The following PLXNA1 variants were observed in gnomAD, a reference collection of about 807,000 sequenced individuals.
The protein encoded by PLXNA1 is plexin A1.
A neutral mutation model predicts 191.7 loss-of-function variants in PLXNA1; 77 were observed. That is an observed-to-expected ratio of 0.40 (90% CI 0.33 to 0.49). The LOEUF is 0.49. PLXNA1 is among the 20% of genes least tolerant of loss of function. The pLI is 0.63. For missense variants in PLXNA1, 2,110 were observed against 2,660.2 expected (o/e 0.79, Z 4.55); for synonymous variants, 1,137 against 1,156.4 (o/e 0.98, Z 0.34).
chr3:127,013,981 C>T (rs775550697), intron 10 of PLXNA1, 39 bp from the exon 11 acceptor site: 25 of 1,589,024 alleles, frequency 1.6e-5, no homozygotes, highest in East Asian at 1.3e-4. Flanking sequence ...GCCTGGAGGC[C>T]GCTTAGCTGG....
rs2079126903 is a variant in PLXNA1, at chr3:127,016,963, G to T, written c.3202G>T (p.Val1068Phe). 1.2e-6 allele frequency: 2 copies of T among 1,613,260 alleles called. No homozygotes were observed. The highest frequency in any genetic ancestry group is 1.7e-6 in the Non-Finnish European group (2 of 1,179,898). ...TTCCAGCGGTGGGACCCTCCTGACG[G>T]TCACAGGCACCAACCTGGCCACTGT... ...SINSGGTLLT[V>F]TGTNLATVRE... Residue 1068 changes from valine to phenylalanine, a missense_variant, in exon 17 of 32, where the codon GTC (valine) becomes TTC (phenylalanine). By Grantham distance (50) the Val-to-Phe change is conservative. Around this residue, in one of 4 missense-constraint regions of PLXNA1, gnomAD observed 644 missense variants for 714.3 expected, o/e 0.90. Transcript: ENST00000393409.
chr3:127,027,952 G>C lies in PLXNA1; in HGVS notation c.4375G>C (p.Glu1459Gln). 6.2e-7 allele frequency: 1 copy of C among 1,613,598 alleles called. No individual in the cohort carries two copies. Among genetic ancestry groups the C allele is most frequent in the Non-Finnish European group, 8.5e-7 (1 of 1,179,970 alleles). Residue 1459 changes from glutamate (E) to glutamine (Q), a missense_variant, in exon 24 of 32, where the codon GAG (glutamate) becomes CAG (glutamine). By Grantham distance (29) the Glu-to-Gln change is conservative (BLOSUM62 2). Around this residue, in one of 4 missense-constraint regions of PLXNA1, gnomAD observed 559 missense variants for 911.5 expected, o/e 0.61. Coordinates refer to ENST00000393409, the MANE Select transcript of PLXNA1 (RefSeq NM_032242.4). ...GCCACCCCCGCAGGAGTGCGCTGGG[G>C]AGCCGCTGTTCATGCTGTACTGCGC... is the stretch of plus-strand genomic sequence containing the variant. ...LYKFLKECAGEPLFMLYCAIK... is the reference protein window; with the variant it reads ...LYKFLKECAGQPLFMLYCAIK...
rs560859244 is a variant in PLXNA1, at chr3:126,995,870, G to A, written c.1377+4304G>A. ...TGGGTGCATCTGGGCATACCCCAGG[G>A]AGGCTTGGGGCTTGAAGTTCCTTCT... On this transcript the variant is annotated intron_variant, in intron 3 of 31. Transcript: ENST00000393409. 4.6e-5 allele frequency among the ~76,000 whole-genome samples: 7 copies of A among 152,306 alleles called. No homozygotes were observed. In the South Asian group the frequency reaches 1.4e-3, roughly 32 times the overall value.
chr3:127,014,025 C>G lies in PLXNA1; in HGVS notation c.2319C>G (p.Ser773=). 6.2e-7 allele frequency: 1 copy of G among 1,613,704 alleles called. No homozygotes were observed. Residue 773 remains serine, a synonymous_variant, in exon 11 of 32, where the codon TCC becomes TCG. Transcript: ENST00000393409. The stretch of plus-strand genomic sequence containing the variant: ...ACGGTGCCATCACCTAACAGTACTC[C>G]TACGAGGGGAACGATGTCAGCGACC... The part of the protein sequence containing the change: ...SSLQCQNSSY[S]YEGNDVSDLP...
Position 127,014,281 on chromosome 3 carries a change from G to T in PLXNA1, c.2510G>T (p.Cys837Phe). The T allele has an allele frequency of 6.3e-7, 1 of 1,595,866 alleles. No homozygotes were observed. The part of the protein sequence containing the change: ...ECGWCVAERR[C>F]SLRHHCAADT... Reference sequence around the variant, plus strand: ...GGATGGTGCGTGGCCGAGCGCCGCTGCTCCCTGCGACACCACTGCGCTGCC... The same window carrying T: ...GGATGGTGCGTGGCCGAGCGCCGCTTCTCCCTGCGACACCACTGCGCTGCC... The change falls in exon 12 of 32, where the codon TGC becomes TTC. Residue 837 changes from cysteine to phenylalanine, a missense_variant. By Grantham distance (205) the Cys-to-Phe change is radical (BLOSUM62 -2). This residue lies in a region of PLXNA1 where 644 missense variants were observed against 714.3 expected (regional missense o/e 0.90). Transcript: ENST00000393409.
chr3:127,015,424 G>A (rs2079118213), intron 15 of PLXNA1, 104 bp downstream of exon 15: 2 of 1,421,964 alleles, frequency 1.4e-6, no homozygotes, highest in Admixed American at 4.5e-5. Flanking sequence ...TGGAGAGCCT[G>A]GCTGGGGTGA....
At chr3:127,029,594 C>T (rs373529132) in intron 27 of PLXNA1, 58 bp downstream of exon 27, 65 of 1,554,640 alleles carry the variant, frequency 4.2e-5, no homozygotes, top group Middle Eastern at 3.4e-4. Flanking sequence ...CTGGGCAGGA[C>T]GTCCCCCGGG....
chr3:127,007,909 C>T lies in PLXNA1; in HGVS notation c.2108C>T (p.Ser703Phe), dbSNP rs1207161686. The change falls in exon 9 of 32, where the codon TCT becomes TTT. Residue 703 changes from serine (S) to phenylalanine (F), a missense_variant. Physicochemically the swap from Ser to Phe is radical, Grantham distance 155 (BLOSUM62 -2). This residue lies in a region of PLXNA1 where 903 missense variants were observed against 1,015.7 expected (regional missense o/e 0.89). Transcript: ENST00000393409. Reference protein sequence around the residue: ...CAFLEGRVNVSEDCPQILPST... With the variant: ...CAFLEGRVNVFEDCPQILPST... Reference sequence around the variant, plus strand: ...TTCCTGGAGGGCCGTGTCAACGTGTCTGAGGTAAGGCCGGGCAAGGGTGAG... The same window carrying T: ...TTCCTGGAGGGCCGTGTCAACGTGTTTGAGGTAAGGCCGGGCAAGGGTGAG... The T allele has an allele frequency of 6.2e-7, 1 of 1,607,470 alleles. No homozygotes were observed. Among genetic ancestry groups the T allele is most frequent in the Non-Finnish European group, 8.5e-7 (1 of 1,175,314 alleles).
At position 127,016,604 on chromosome 3, in the gene PLXNA1, G is replaced by A. The variant is rs753537649; in HGVS notation, c.3102G>A (p.Gln1034=). 3 of 1,614,042 alleles carry A rather than the reference G, an allele frequency of 1.9e-6. No homozygotes were observed. Among genetic ancestry groups the A allele is most frequent in the Non-Finnish European group, 2.5e-6 (3 of 1,179,978 alleles). Residue 1034 remains glutamine (Q), a synonymous_variant, in exon 16 of 32, where the codon CAG becomes CAA. Coordinates refer to ENST00000393409, the MANE Select transcript of PLXNA1 (RefSeq NM_032242.4). Reference sequence around the variant, plus strand: ...TCATCATCAACATCAACCGCGCCCAGCTCACCAACCCTGAGGTGAAGTACA... The same window carrying A: ...TCATCATCAACATCAACCGCGCCCAACTCACCAACCCTGAGGTGAAGTACA... ...APIIININRA[Q]LTNPEVKYNY...
Position 126,988,765 on chromosome 3 carries a change from G to A in PLXNA1, c.172G>A (p.Glu58Lys). 6.2e-7 allele frequency: 1 copy of A among 1,603,102 alleles called. No homozygotes were observed. Among genetic ancestry groups the A allele is most frequent in the Non-Finnish European group, 8.5e-7 (1 of 1,173,716 alleles). Residue 58 changes from glutamate to lysine, a missense_variant, in exon 2 of 32, where the codon GAG becomes AAG. Glu to Lys is a moderately conservative substitution (Grantham distance 56, BLOSUM62 1). Coordinates refer to ENST00000393409, the MANE Select transcript of PLXNA1 (RefSeq NM_032242.4). ...GGGCCTCACCCACCTAGTGGTGCAT[G>A]AGCAGACAGGCGAGGTGTATGTGGG... The part of the protein sequence containing the change: ...DWGLTHLVVH[E>K]QTGEVYVGAV...
At chr3:127,002,318 G>A (rs769760623) in intron 3 of PLXNA1, among the ~76,000 whole-genome samples, 1 of 152,240 alleles carries the variant, frequency 6.6e-6, no homozygotes, top group African/African-American at 2.4e-5. Context: ...CGGCGCTCAG[G>A]AATGCGGCCC....
In PLXNA1 at chr3:127,027,951, G is replaced by A. The variant is rs771290025; in HGVS notation, c.4374G>A (p.Gly1458=). The A allele has an allele frequency of 3.1e-6, 5 of 1,613,454 alleles. No homozygotes were observed. The highest frequency in any genetic ancestry group is 1.1e-5 in the South Asian group (1 of 91,086). The change falls in exon 24 of 32, where the codon GGG becomes GGA. Residue 1458 remains glycine, a synonymous_variant. Coordinates refer to ENST00000393409, the MANE Select transcript of PLXNA1 (RefSeq NM_032242.4). ...CGCCACCCCCGCAGGAGTGCGCTGG[G>A]GAGCCGCTGTTCATGCTGTACTGCG... is the stretch of plus-strand genomic sequence containing the variant. ...LLYKFLKECA[G]EPLFMLYCAI...
At chr3:127,016,768 G>A (rs899191798) in intron 16 of PLXNA1, 84 bp downstream of exon 16, 118 of 1,514,316 alleles carry the variant, frequency 7.8e-5, no homozygotes, top group Non-Finnish European at 1.0e-4. Context: ...GCACTTGGCG[G>A]TGGCCCTCCT....
At chr3:127,024,880 G>A (rs1054007120) in intron 23 of PLXNA1, among the ~76,000 whole-genome samples, 2 of 152,126 alleles carry the variant, frequency 1.3e-5, no homozygotes, top group Non-Finnish European at 2.9e-5. Flanking sequence ...CATATCTGGG[G>A]TTTTTTTGTT....
In PLXNA1 at chr3:127,034,224, G is replaced by C; in HGVS notation, c.*207G>C. ...ATGGTACCTGCCACACCACAGCTGC[G>C]CACACAGCTGCTTGCTCAGGGGCCG... On this transcript the variant is annotated 3_prime_UTR_variant, in exon 32 of 32. Coordinates refer to ENST00000393409, the MANE Select transcript of PLXNA1 (RefSeq NM_032242.4). The C allele has an allele frequency of 1.9e-6, 1 of 525,786 alleles. No homozygotes were observed. The highest frequency in any genetic ancestry group is 3.4e-6 in the Non-Finnish European group (1 of 293,758). The allele number at this position is 525,786 out of a possible 1,614,324, so 32.6% of individuals were successfully genotyped here.
chr3:126,983,782 CG>C (rs2078943772), intron 1 of PLXNA1, among the ~76,000 whole-genome samples: 1 of 151,968 alleles, frequency 6.6e-6, no homozygotes, highest in African/African-American at 2.4e-5. Flanking sequence ...CCTCTGGCCG[CG>C]GGCGAGGACG....
chr3:127,020,262 T>A lies in PLXNA1; in HGVS notation c.3956T>A (p.Ile1319Asn). 1 of 1,613,218 alleles carries A rather than the reference T, an allele frequency of 6.2e-7. No individual in the cohort carries two copies. ...ELTNDLDGAG[I>N]PFLDYRTYAM... ...ACCAATGACCTGGACGGTGCCGGCA[T>A]CCCCTTCCTTGACTACCGGACATAT... Residue 1319 changes from isoleucine to asparagine, a missense_variant, in exon 21 of 32, where the codon ATC (isoleucine) becomes AAC (asparagine). Ile to Asn is a moderately radical substitution (Grantham distance 149, BLOSUM62 -3). Transcript: ENST00000393409.
intron 8 of PLXNA1, 146 bp downstream of exon 8, chr3:127,006,324 G>A (rs982599257): frequency 1.4e-6 from 1 of 693,934 alleles, no homozygotes; most frequent in Non-Finnish European, 2.6e-6. Flanking sequence ...GGGCTCCTGA[G>A]GCTGGGCGGT....
At chr3:126,994,382 G>A (rs2079005263) in intron 3 of PLXNA1, among the ~76,000 whole-genome samples, 1 of 152,152 alleles carries the variant, frequency 6.6e-6, no homozygotes, top group African/African-American at 2.4e-5. Context: ...TTTTGGGGTG[G>A]CTGCCTGTTC....
Sources: gnomAD v4.1 joint callset for allele counts (sites outside exome capture counted in the v4.1 genomes callset) on GRCh38, gnomAD v4.1.1 for gene constraint, gnomAD v4.1.1 regional missense constraint, MANE v1.5 for transcripts, NCBI Gene and HGNC (gene_info 2026-07-23, HGNC 2026-07-21) for gene names.